The following CAMK1D variants were observed in gnomAD, a reference collection of about 807,000 sequenced individuals.
CAMK1D encodes the protein calcium/calmodulin-dependent protein kinase type 1D.
In CAMK1D, 9 loss-of-function variants were observed where a neutral mutation model predicts 47.7. The observed-to-expected ratio is 0.19, with a 90% CI of 0.11 to 0.33. CAMK1D has a LOEUF of 0.33. CAMK1D is among the 10% of genes least tolerant of loss of function. The probability of loss-of-function intolerance (pLI) is 1.00; values close to 1 mark genes in which losing one functional copy is unlikely to be tolerated. For missense variants in CAMK1D, 291 were observed against 488.7 expected, an observed-to-expected ratio of 0.60 and a Z score of 3.81; for synonymous variants, 184 against 184.9, an observed-to-expected ratio of 0.99 and a Z score of 0.04.
intron 1 of CAMK1D, among the ~76,000 whole-genome samples, chr10:12,365,602 C>G (rs1837808439): frequency 6.6e-6 from 1 of 152,000 alleles, no homozygotes; most frequent in African/African-American, 2.4e-5. Flanking sequence ...CCATGCCCGG[C>G]TAATTTTTTG....
chr10:12,527,475 C>T (rs1269028671), intron 1 of CAMK1D, among the ~76,000 whole-genome samples: 1 of 151,712 alleles, frequency 6.6e-6, no homozygotes, highest in East Asian at 1.9e-4. Flanking sequence ...TTGCCACAGC[C>T]TCCTGAGTAA....
chr10:12,722,032 A>G (rs1834399980), intron 3 of CAMK1D, among the ~76,000 whole-genome samples: 1 of 152,106 alleles, frequency 6.6e-6, no homozygotes, highest in South Asian at 2.1e-4. Context: ...AATCCCATTC[A>G]CAATGGCTCC....
intron 2 of CAMK1D, among the ~76,000 whole-genome samples, chr10:12,665,356 G>A (rs977758999): frequency 9.9e-5 from 15 of 152,156 alleles, no homozygotes; most frequent in Non-Finnish European, 1.2e-4. Flanking sequence ...CTTCTTTCGC[G>A]GGGAAGACAT....
chr10:12,380,861 CAAACAAACAAAA>C (rs1053355516), intron 1 of CAMK1D, among the ~76,000 whole-genome samples: 2 of 152,070 alleles, frequency 1.3e-5, no homozygotes, highest in Non-Finnish European at 2.9e-5. Context: ...GTCTCAAAAA[CAAACAAACAAAA>C]AAACAAACCC....
intron 1 of CAMK1D, among the ~76,000 whole-genome samples, chr10:12,407,693 T>C (rs1255711709): frequency 4.6e-5 from 7 of 152,208 alleles, no homozygotes. Flanking sequence ...TACTTTCCCA[T>C]TTCCAGCTGT....
At chr10:12,479,799 G>A (rs1249861164) in intron 1 of CAMK1D, among the ~76,000 whole-genome samples, 3 of 152,218 alleles carry the variant, frequency 2.0e-5, no homozygotes, top group Non-Finnish European at 4.4e-5. Context: ...GCAAAGGGAC[G>A]GGGCAGGAGG....
At chr10:12,633,709 A>C (rs1470693174) in intron 2 of CAMK1D, among the ~76,000 whole-genome samples, 3 of 152,054 alleles carry the variant, frequency 2.0e-5, no homozygotes, top group Non-Finnish European at 2.9e-5. Flanking sequence ...GGCACGCACC[A>C]TCATGCCCAG....
intron 1 of CAMK1D, among the ~76,000 whole-genome samples, chr10:12,470,213 G>T (rs556465822): frequency 6.6e-6 from 1 of 152,180 alleles, no homozygotes; most frequent in African/African-American, 2.4e-5. Context: ...TTTCTATATG[G>T]TATATTTAGG....
At chr10:12,654,158 C>G (rs1033792452) in intron 2 of CAMK1D, among the ~76,000 whole-genome samples, 4 of 152,246 alleles carry the variant, frequency 2.6e-5, no homozygotes, top group Non-Finnish European at 2.9e-5. Flanking sequence ...CGTCTTCAAT[C>G]TGGGGCACAG....
chr10:12,528,979 A>G (rs530681544), intron 1 of CAMK1D, among the ~76,000 whole-genome samples: 94 of 150,650 alleles, frequency 6.2e-4, no homozygotes, highest in Admixed American at 3.3e-4. Context: ...TGGACTTGAT[A>G]GTGTCTCACC....
At chr10:12,717,968 A>G (rs1205863510) in intron 3 of CAMK1D, among the ~76,000 whole-genome samples, 1 of 152,114 alleles carries the variant, frequency 6.6e-6, no homozygotes, top group Non-Finnish European at 1.5e-5. Flanking sequence ...ACTATACTGA[A>G]ATCATTAACT....
intron 1 of CAMK1D, among the ~76,000 whole-genome samples, chr10:12,412,516 G>A (rs1442544401): frequency 6.6e-6 from 1 of 150,498 alleles, no homozygotes; most frequent in Non-Finnish European, 1.5e-5. Flanking sequence ...CCAGCTACTC[G>A]GGAGGCTGAG....
At chr10:12,463,354 T>C (rs549029614) in intron 1 of CAMK1D, among the ~76,000 whole-genome samples, 161 of 152,228 alleles carry the variant, frequency 1.1e-3, no homozygotes, top group African/African-American at 3.6e-3. Context: ...GCCAGGCTGG[T>C]TTCGAACTCC....
chr10:12,713,231 C>T (rs767188429), intron 3 of CAMK1D, among the ~76,000 whole-genome samples: 4 of 152,062 alleles, frequency 2.6e-5, no homozygotes, highest in Non-Finnish European at 5.9e-5. Flanking sequence ...CCACCAGGCC[C>T]GGCTAATTTT....
At chr10:12,573,014 C>T (rs918224954) in intron 2 of CAMK1D, among the ~76,000 whole-genome samples, 14 of 152,136 alleles carry the variant, frequency 9.2e-5, no homozygotes, top group African/African-American at 2.9e-4. Flanking sequence ...AGGAGGGAGG[C>T]GAGTGTTTAA....
intron 1 of CAMK1D, among the ~76,000 whole-genome samples, chr10:12,508,932 C>T (rs147362532): frequency 1.2e-4 from 18 of 152,322 alleles, no homozygotes; most frequent in African/African-American, 3.6e-4. Context: ...TTGTCCTGCT[C>T]CCCAAATCTT....
chr10:12,787,904 G>C (rs1435184465), intron 5 of CAMK1D, among the ~76,000 whole-genome samples: 1 of 152,202 alleles, frequency 6.6e-6, no homozygotes, highest in Non-Finnish European at 1.5e-5. Context: ...GGAGGCTGAG[G>C]CAGGAGAATG....
At chr10:12,534,663 G>C (rs1317617544) in intron 1 of CAMK1D, among the ~76,000 whole-genome samples, 1 of 152,078 alleles carries the variant, frequency 6.6e-6, no homozygotes, top group Admixed American at 6.6e-5. Context: ...ACAGCGCCTG[G>C]CCAAACCTCC....
chr10:12,691,367 A>T (rs187200995), intron 3 of CAMK1D, among the ~76,000 whole-genome samples: 35 of 13,944 alleles, frequency 2.5e-3, no homozygotes, highest in Middle Eastern at 0.059. Context: ...ATATATATAT[A>T]TATATATATA....
Sources: gnomAD v4.1 joint callset for allele counts (sites outside exome capture counted in the v4.1 genomes callset) on GRCh38, gnomAD v4.1.1 for gene constraint, MANE v1.5 for transcripts, NCBI Gene and HGNC (gene_info 2026-07-23, HGNC 2026-07-21) for gene names.